The following NTM variants were observed in gnomAD, a reference collection of about 807,000 sequenced individuals.
The protein encoded by NTM is IgLON family member 2.
A neutral mutation model predicts 42.1 loss-of-function variants in NTM; 13 were observed. The observed-to-expected ratio is 0.31, with a 90% confidence interval of 0.20 to 0.49. NTM has a LOEUF of 0.49. Among genes scored for constraint, NTM ranks in the 20% least tolerant of loss-of-function variants. The pLI is 0.99. For missense variants in NTM, 373 were observed against 452.8 expected (o/e 0.82, Z 1.60); for synonymous variants, 187 against 179.2 (o/e 1.04, Z -0.35).
chr11:131,734,813 A>G (rs971857115), intron 1 of NTM, among the ~76,000 whole-genome samples: 4 of 152,146 alleles, frequency 2.6e-5, no homozygotes, highest in Non-Finnish European at 4.4e-5. Flanking sequence ...TCATTATTAT[A>G]CCTCCTTTTA....
chr11:131,527,738 G>A (rs1298940254), intron 1 of NTM, among the ~76,000 whole-genome samples: 1 of 152,274 alleles, frequency 6.6e-6, no homozygotes. Flanking sequence ...TCAAATACAC[G>A]GGACTTTTAA....
intron 1 of NTM, among the ~76,000 whole-genome samples, chr11:131,584,018 T>G (rs1040101): frequency 0.61 from 92,122 of 152,022 alleles, 28,181 homozygotes; most frequent in South Asian, 0.68. Context: ...CCATTTTAGC[T>G]ACAAGTGATG....
intron 1 of NTM, among the ~76,000 whole-genome samples, chr11:131,784,173 T>G (rs984246084): frequency 6.6e-6 from 1 of 152,178 alleles, no homozygotes; most frequent in Admixed American, 6.5e-5. Flanking sequence ...AGTCAAATTC[T>G]CATATATTGC....
chr11:131,485,669 A>G (rs929088338), intron 1 of NTM, among the ~76,000 whole-genome samples: 1 of 152,208 alleles, frequency 6.6e-6, no homozygotes, highest in Non-Finnish European at 1.5e-5. Flanking sequence ...TTTTCATCCA[A>G]TATCCCCTGC....
intron 1 of NTM, among the ~76,000 whole-genome samples, chr11:131,552,687 G>A (rs544917527): frequency 1.3e-3 from 201 of 151,780 alleles, no homozygotes; most frequent in African/African-American, 4.5e-3. Context: ...GCATGGTGGC[G>A]GGCGCCTGTA....
intron 1 of NTM, among the ~76,000 whole-genome samples, chr11:131,766,616 C>A (rs528632112): frequency 6.6e-6 from 1 of 152,258 alleles, no homozygotes; most frequent in South Asian, 2.1e-4. Flanking sequence ...GTACAATTAT[C>A]AACCGCAGAA....
At chr11:131,818,664 A>T (rs1159354195) in intron 1 of NTM, among the ~76,000 whole-genome samples, 1 of 152,158 alleles carries the variant, frequency 6.6e-6, no homozygotes, top group Non-Finnish European at 1.5e-5. Flanking sequence ...AATCATTCAC[A>T]GGATAGCTAT....
intron 4 of NTM, among the ~76,000 whole-genome samples, chr11:132,268,651 T>G (rs2093329473): frequency 7.6e-6 from 1 of 132,410 alleles, no homozygotes; most frequent in Non-Finnish European, 1.6e-5. Flanking sequence ...GTTTGTGGTG[T>G]GGGGTCCTCT....
chr11:131,954,369 T>G (rs11222850), intron 2 of NTM, among the ~76,000 whole-genome samples: 1 of 151,962 alleles, frequency 6.6e-6, no homozygotes, highest in Non-Finnish European at 1.5e-5. Context: ...ATCACAGCAG[T>G]GAGGCTGCAG....
chr11:131,881,477 TACACACAC>T (rs34722610), intron 1 of NTM, among the ~76,000 whole-genome samples: 2 of 104,642 alleles, frequency 1.9e-5, no homozygotes, highest in Non-Finnish European at 4.7e-5. Context: ...AGCTCTCAGT[TACACACAC>T]ACACACACAC....
intron 7 of NTM, among the ~76,000 whole-genome samples, chr11:132,327,672 G>T (rs913973111): frequency 6.6e-6 from 1 of 152,124 alleles, no homozygotes; most frequent in Non-Finnish European, 1.5e-5. Context: ...GGCTTTGCTG[G>T]CAAAAATATA....
chr11:131,693,956 C>A (rs1172743759), intron 1 of NTM, among the ~76,000 whole-genome samples: 2 of 152,176 alleles, frequency 1.3e-5, no homozygotes, highest in African/African-American at 4.8e-5. Context: ...GAAGAGTATA[C>A]ATGAAGTATA....
intron 1 of NTM, among the ~76,000 whole-genome samples, chr11:131,713,921 G>C (rs1375830854): frequency 6.6e-6 from 1 of 152,216 alleles, no homozygotes; most frequent in Non-Finnish European, 1.5e-5. Flanking sequence ...TGCACAGCTT[G>C]ACCTTTGACT....
At chr11:131,760,291 C>G (rs73595111) in intron 1 of NTM, among the ~76,000 whole-genome samples, 2 of 152,050 alleles carry the variant, frequency 1.3e-5, no homozygotes, top group African/African-American at 2.4e-5. Context: ...CGGATGGAAG[C>G]AGCAGCGTTT....
chr11:131,520,095 C>G (rs2049419099), intron 1 of NTM, among the ~76,000 whole-genome samples: 1 of 152,288 alleles, frequency 6.6e-6, no homozygotes, highest in South Asian at 2.1e-4. Context: ...GAGTCTTCAA[C>G]TTCTATCGTC....
intron 2 of NTM, among the ~76,000 whole-genome samples, chr11:132,056,846 A>G (rs974940337): frequency 3.9e-5 from 6 of 152,086 alleles, no homozygotes; most frequent in Admixed American, 3.9e-4. Context: ...CCCCCAGTGC[A>G]CTCCACGGAA....
chr11:132,268,615 G>C (rs1275272865), intron 4 of NTM, among the ~76,000 whole-genome samples: 1 of 148,404 alleles, frequency 6.7e-6, no homozygotes, highest in Non-Finnish European at 1.5e-5. Context: ...GGTCTCCTCT[G>C]TGTGTGTGTG....
At chr11:131,918,805 G>T (rs577093971) in intron 2 of NTM, among the ~76,000 whole-genome samples, 3 of 152,146 alleles carry the variant, frequency 2.0e-5, no homozygotes, top group Non-Finnish European at 2.9e-5. Context: ...CATCCATGGC[G>T]TGGAGACACA....
chr11:132,287,707 C>T (rs2094299269), intron 4 of NTM, among the ~76,000 whole-genome samples: 1 of 152,066 alleles, frequency 6.6e-6, no homozygotes. Flanking sequence ...AATAAATGAC[C>T]AGATCTAAGG....
Sources: allele counts gnomAD v4.1 joint callset (sites outside exome capture counted in the v4.1 genomes callset), GRCh38; gene constraint gnomAD v4.1.1; transcripts MANE v1.5; gene names NCBI Gene and HGNC (gene_info 2026-07-23, HGNC 2026-07-21).